SOS2: variants seen among roughly 807,000 people sequenced by gnomAD.
The protein encoded by SOS2 is SOS Ras/Rho guanine nucleotide exchange factor 2, also known as son of sevenless homolog 2.
Under a neutral mutation model 148.2 loss-of-function variants are expected in SOS2, and 65 were observed. The ratio of observed to expected loss-of-function variants is 0.44; its 90% CI spans 0.36 to 0.54. The LOEUF (loss-of-function observed/expected upper bound fraction) is 0.54, where lower values mean the gene tolerates loss of function less well. SOS2 is among the 20% of genes least tolerant of loss of function. The probability of loss-of-function intolerance (pLI) is 0.00; values close to 1 mark genes in which losing one functional copy is unlikely to be tolerated. For missense variants in SOS2, 1,341 were observed against 1,590.2 expected, an observed-to-expected ratio of 0.84 and a Z score of 2.67; for synonymous variants, 539 against 537.1, an observed-to-expected ratio of 1.00 and a Z score of -0.05.
intron 4 of SOS2, among the ~76,000 whole-genome samples, chr14:50,190,210 GTTAA>G (rs1294268110): frequency 6.6e-6 from 1 of 152,006 alleles, no homozygotes; most frequent in Non-Finnish European, 1.5e-5. Context: ...ATTGGACCTA[GTTAA>G]TTATATATTT....
At chr14:50,150,463 A>G (rs1884625119) in intron 13 of SOS2, among the ~76,000 whole-genome samples, 1 of 152,190 alleles carries the variant, frequency 6.6e-6, no homozygotes, top group Admixed American at 6.6e-5. Context: ...TTAAAGTAAT[A>G]ACCACAACAC....
intron 12 of SOS2, chr14:50,156,738 A>G (rs1884833347): frequency 5.4e-6 from 1 of 185,976 alleles, no homozygotes; most frequent in Non-Finnish European, 1.1e-5. Flanking sequence ...TAAGCATAAC[A>G]TATCACATGC....
intron 5 of SOS2, among the ~76,000 whole-genome samples, chr14:50,187,649 A>C (rs1225995135): frequency 6.6e-6 from 1 of 152,094 alleles, no homozygotes; most frequent in Non-Finnish European, 1.5e-5. Flanking sequence ...GCACCCGGTC[A>C]AGACTAATTA....
intron 1 of SOS2, among the ~76,000 whole-genome samples, chr14:50,211,960 TAC>T (rs1284608409): frequency 2.0e-5 from 3 of 152,112 alleles, no homozygotes; most frequent in Non-Finnish European, 4.4e-5. Context: ...TACAATGGAA[TAC>T]ACACAGTCAA....
chr14:50,227,800 A>C (rs1354809141), intron 1 of SOS2, among the ~76,000 whole-genome samples: 1 of 152,118 alleles, frequency 6.6e-6, no homozygotes, highest in Non-Finnish European at 1.5e-5. Context: ...CAATGTTGAC[A>C]ATGGTGACTT....
intron 1 of SOS2, among the ~76,000 whole-genome samples, chr14:50,228,834 C>T (rs371996952): frequency 6.6e-5 from 10 of 152,214 alleles, no homozygotes; most frequent in East Asian, 5.8e-4. Context: ...CTTAGGATCC[C>T]GCATCATGTC....
At chr14:50,188,427 ACTAT>A (rs1036274076) in intron 5 of SOS2, 66 bp downstream of exon 5, 1 of 1,015,464 alleles carries the variant, frequency 9.8e-7, no homozygotes, top group Non-Finnish European at 1.5e-6. Context: ...AAAAAAAGTG[ACTAT>A]TTATGATTTT....
chr14:50,225,759 T>C (rs754402401), intron 1 of SOS2, among the ~76,000 whole-genome samples: 1 of 152,182 alleles, frequency 6.6e-6, no homozygotes, highest in Non-Finnish European at 1.5e-5. Flanking sequence ...TGACTTGAAG[T>C]AATCTTTTCA....
At position 50,174,556 on chromosome 14, in the gene SOS2, CA is replaced by C; in HGVS notation, c.970-5del. 6.3e-7 allele frequency: 1 copy of C among 1,579,850 alleles called. No individual in the cohort carries two copies. The highest frequency in any genetic ancestry group is 8.7e-7 in the Non-Finnish European group (1 of 1,152,700). The stretch of plus-strand genomic sequence containing the variant: ...CTTTAAAACCATCAGCAATGGACTG[CA>C]AAGCAAAAAGATATCACAGTATGTA... On this transcript the variant is annotated splice_region_variant and splice_polypyrimidine_tract_variant and intron_variant, in intron 7 of 22. Transcript: ENST00000216373.
At position 50,138,600 on chromosome 14, in the gene SOS2, G is replaced by A; in HGVS notation, c.2958+12C>T. On this transcript the variant is annotated intron_variant, in intron 18 of 22. Transcript: ENST00000216373. Reference sequence around the variant, plus strand: ...ACGTTCTCTTCTAAAGATATGCAAAGAAAATATTTACCCTCATATCTGGTT... The same window carrying A: ...ACGTTCTCTTCTAAAGATATGCAAAAAAAATATTTACCCTCATATCTGGTT... 1 of 1,414,168 alleles carries A rather than the reference G, an allele frequency of 7.1e-7. No individual in the cohort carries two copies. 87.6% of individuals were successfully genotyped at this position (1,414,168 alleles called of 1,614,324 possible).
intron 1 of SOS2, chr14:50,230,945 T>A (rs559382111): frequency 1.9e-6 from 2 of 1,075,648 alleles, no homozygotes; most frequent in African/African-American, 3.3e-5. Flanking sequence ...GGAAGTTGCC[T>A]GACGAAATGA....
intron 5 of SOS2, among the ~76,000 whole-genome samples, chr14:50,187,637 C>T (rs1027314847): frequency 2.6e-5 from 4 of 152,166 alleles, no homozygotes; most frequent in African/African-American, 9.7e-5. Context: ...GCGTGAGCCA[C>T]TGCACCCGGT....
At chr14:50,188,844 CTT>C in intron 4 of SOS2, 144 bp from the exon 5 acceptor site, 1 of 601,104 alleles carries the variant, frequency 1.7e-6, no homozygotes, top group Non-Finnish European at 2.8e-6. Context: ...AGGAGGATCA[CTT>C]GAGGTCAGGA....
chr14:50,201,218 A>G, intron 2 of SOS2, 134 bp from the exon 3 acceptor site: 2 of 841,320 alleles, frequency 2.4e-6, no homozygotes, highest in South Asian at 3.9e-5. Flanking sequence ...GATTCCTGTA[A>G]TAAATAAATT....
At chr14:50,158,956 G>A (rs1390870021) in intron 10 of SOS2, among the ~76,000 whole-genome samples, 2 of 152,102 alleles carry the variant, frequency 1.3e-5, no homozygotes, top group Non-Finnish European at 2.9e-5. Flanking sequence ...AGGCCGAGGT[G>A]GGCGGATCAC....
intron 13 of SOS2, among the ~76,000 whole-genome samples, chr14:50,150,508 C>T (rs1337137063): frequency 2.0e-5 from 3 of 151,960 alleles, no homozygotes; most frequent in Non-Finnish European, 4.4e-5. Context: ...CTTCTTAATA[C>T]ATTGTTATCT....
chr14:50,199,738 A>G lies in SOS2; in HGVS notation c.463T>C (p.Tyr155His). Residue 155 changes from tyrosine (Y) to histidine (H), a missense_variant, in exon 4 of 23, where the codon TAT (tyrosine) becomes CAT (histidine). This residue lies in a region of SOS2 where 574 missense variants were observed against 711.1 expected (regional missense o/e 0.81). Transcript: ENST00000216373. Reference protein sequence around the residue: ...AGNYVFNIRHYEISQQDIKVS... With the variant: ...AGNYVFNIRHHEISQQDIKVS... ...TTAATGTCCTGCTGAGATATTTCAT[A>G]ATGCCGGATATTAAAAACATAATTA... 6.2e-7 allele frequency: 1 copy of G among 1,609,764 alleles called. No individual in the cohort carries two copies. The highest frequency in any genetic ancestry group is 8.5e-7 in the Non-Finnish European group (1 of 1,176,946).
At chr14:50,124,752 C>G (rs1228056898) in intron 21 of SOS2, among the ~76,000 whole-genome samples, 1 of 152,150 alleles carries the variant, frequency 6.6e-6, no homozygotes, top group Non-Finnish European at 1.5e-5. Context: ...ACAAGGTATA[C>G]TTCCTTTGAT....
At chr14:50,157,213 C>T in intron 11 of SOS2, 92 bp from the exon 12 acceptor site, 2 of 1,418,626 alleles carry the variant, frequency 1.4e-6, no homozygotes, top group East Asian at 4.8e-5. Context: ...CTACCACTTC[C>T]ACGAAAAGTG....
Sources: allele counts gnomAD v4.1 joint callset (sites outside exome capture counted in the v4.1 genomes callset), GRCh38; gene constraint gnomAD v4.1.1; regional missense constraint gnomAD v4.1.1; transcripts MANE v1.5; gene names NCBI Gene and HGNC (gene_info 2026-07-23, HGNC 2026-07-21).